The following SASH1 variants were observed in gnomAD, a reference collection of about 807,000 sequenced individuals.
The protein encoded by SASH1 is SAM and SH3 domain containing 1.
SASH1 carries 44 observed loss-of-function variants against 125.2 expected under a neutral mutation model. The observed-to-expected ratio is 0.35, with a 90% CI of 0.28 to 0.45. SASH1 has a LOEUF of 0.45. SASH1 is among the 20% of genes least tolerant of loss of function. The pLI is 1.00. For synonymous variants in SASH1, 639 were observed against 649.1 expected (o/e 0.98, Z 0.24); for missense variants, 1,426 against 1,614.5 (o/e 0.88, Z 2.00).
chr6:148,423,659 T>C (rs891358446), intron 2 of SASH1, among the ~76,000 whole-genome samples: 1 of 152,202 alleles, frequency 6.6e-6, no homozygotes, highest in African/African-American at 2.4e-5. Flanking sequence ...ATTTTTTATA[T>C]TCTCAGTTAC....
At chr6:148,514,238 C>T in intron 8 of SASH1, 86 bp from the exon 9 acceptor site, 2 of 1,523,696 alleles carry the variant, frequency 1.3e-6, no homozygotes, top group Non-Finnish European at 1.8e-6. Context: ...GAGGTTCAGA[C>T]TGGCAGCAAG....
intron 8 of SASH1, among the ~76,000 whole-genome samples, chr6:148,505,676 C>G (rs937727595): frequency 6.6e-6 from 1 of 150,712 alleles, no homozygotes; most frequent in Non-Finnish European, 1.5e-5. Flanking sequence ...GAGTGTCGCT[C>G]TGTCACCCAG....
intron 2 of SASH1, chr6:148,393,718 G>T (rs936260705): frequency 3.0e-6 from 3 of 985,378 alleles, no homozygotes; most frequent in South Asian, 4.7e-5. Context: ...AGTCTGGGGG[G>T]AGAAAACACC....
intron 1 of SASH1, among the ~76,000 whole-genome samples, chr6:148,334,585 G>A (rs536036223): frequency 5.1e-4 from 77 of 152,216 alleles, no homozygotes; most frequent in Non-Finnish European, 1.0e-3. Flanking sequence ...GCCGAGGCAG[G>A]CGGATCACCT....
intron 2 of SASH1, among the ~76,000 whole-genome samples, chr6:148,391,382 A>G (rs1007185728): frequency 1.3e-5 from 2 of 151,078 alleles, no homozygotes; most frequent in Non-Finnish European, 2.9e-5. Flanking sequence ...TGTTGGGATT[A>G]CAGGCGTGAG....
intron 16 of SASH1, 28 bp downstream of exon 16, chr6:148,534,929 C>A: frequency 1.2e-6 from 2 of 1,612,782 alleles, no homozygotes; most frequent in Non-Finnish European, 1.7e-6. Flanking sequence ...CAGAGGTGTT[C>A]CCTGTGAGGT....
the SASH1 span, among the ~76,000 whole-genome samples, chr6:148,259,825 G>A: frequency 6.6e-6 from 1 of 152,178 alleles, no homozygotes; most frequent in South Asian, 2.1e-4. Flanking sequence ...TTAAAACTAA[G>A]GTGATTTTTG....
chr6:148,542,885 C>T lies in SASH1; in HGVS notation c.2210-795C>T, dbSNP rs138154470. Among the ~76,000 whole-genome samples the T allele has an allele frequency of 3.6e-3, 554 of 151,912 alleles. 3 individuals are homozygous for T. Among genetic ancestry groups the T allele is most frequent in the African/African-American group, 0.013 (530 of 41,350 alleles). ...GTGTGTGTGTGTGTGTGTGTGCGCGCGCACATGTAAGTACTGATGAGAACA... is the reference window on the plus strand; with the variant it reads ...GTGTGTGTGTGTGTGTGTGTGCGCGTGCACATGTAAGTACTGATGAGAACA... On this transcript the variant is annotated intron_variant, in intron 17 of 19. Transcript: ENST00000367467.
At chr6:148,252,770 T>C in the SASH1 span, among the ~76,000 whole-genome samples, 2 of 152,152 alleles carry the variant, frequency 1.3e-5, no homozygotes, top group Non-Finnish European at 2.9e-5. Context: ...TGAGCCACCA[T>C]GCCCAGCCCA....
At chr6:148,194,533 A>G in the SASH1 span, among the ~76,000 whole-genome samples, 1 of 152,198 alleles carries the variant, frequency 6.6e-6, no homozygotes, top group African/African-American at 2.4e-5. Context: ...TATGACCTAT[A>G]CTACCATCTT....
upstream of SASH1, among the ~76,000 whole-genome samples, chr6:148,340,112 G>A (rs1781277833): frequency 6.6e-6 from 1 of 152,092 alleles, no homozygotes; most frequent in Admixed American, 6.5e-5. Context: ...TCCTTGCTGA[G>A]TTATTTGCTG....
intron 6 of SASH1, among the ~76,000 whole-genome samples, chr6:148,472,725 A>C (rs1202174618): frequency 6.6e-6 from 1 of 152,216 alleles, no homozygotes; most frequent in East Asian, 1.9e-4. Context: ...TGATTACAAA[A>C]TGGAAATTAG....
At chr6:148,387,179 G>A (rs568835954) in intron 1 of SASH1, among the ~76,000 whole-genome samples, 26 of 142,712 alleles carry the variant, frequency 1.8e-4, no homozygotes, top group South Asian at 9.1e-4. Flanking sequence ...GTGCAGTGGC[G>A]CAATCTCGGC....
chr6:148,431,768 G>A (rs1322773684), intron 2 of SASH1, among the ~76,000 whole-genome samples: 1 of 151,670 alleles, frequency 6.6e-6, no homozygotes, highest in Non-Finnish European at 1.5e-5. Context: ...TCAACGCTTG[G>A]ACTCCCAGAA....
intron 4 of SASH1, among the ~76,000 whole-genome samples, chr6:148,461,258 G>T (rs1281249375): frequency 6.6e-6 from 1 of 152,122 alleles, no homozygotes; most frequent in African/African-American, 2.4e-5. Context: ...CCATTGTCTT[G>T]GTTTTGGTAT....
chr6:148,411,647 G>A (rs573737486), intron 2 of SASH1, among the ~76,000 whole-genome samples: 1 of 152,212 alleles, frequency 6.6e-6, no homozygotes, highest in East Asian at 1.9e-4. Flanking sequence ...GGGTTCAAGC[G>A]ATTCTTGTGC....
chr6:148,330,878 G>A (rs573776644), intron 1 of SASH1, among the ~76,000 whole-genome samples: 1 of 152,288 alleles, frequency 6.6e-6, no homozygotes, highest in Non-Finnish European at 1.5e-5. Flanking sequence ...GAGCTACCGT[G>A]CCTGGCCCCT....
chr6:148,270,702 C>A (rs935046789), upstream of SASH1, among the ~76,000 whole-genome samples: 2 of 152,130 alleles, frequency 1.3e-5, no homozygotes, highest in African/African-American at 4.8e-5. Context: ...CAAAAAGGCT[C>A]TTACCTTCTG....
chr6:148,200,074 C>T, the SASH1 span, among the ~76,000 whole-genome samples: 6 of 152,148 alleles, frequency 3.9e-5, no homozygotes, highest in African/African-American at 7.2e-5. Context: ...AATGCCAAGA[C>T]GGAACATACT....
Sources: allele counts gnomAD v4.1 joint callset (sites outside exome capture counted in the v4.1 genomes callset), GRCh38; gene constraint gnomAD v4.1.1; transcripts MANE v1.5; gene names NCBI Gene and HGNC (gene_info 2026-07-23, HGNC 2026-07-21).